Variants in FARS2 observed in about 807,000 individuals in gnomAD.
FARS2 encodes the protein phenylalanine--tRNA ligase, mitochondrial.
FARS2 carries 40 observed loss-of-function variants against 46.4 expected under a neutral mutation model. That is an observed-to-expected ratio of 0.86 (90% confidence interval 0.67 to 1.12). FARS2 has a LOEUF of 1.12. Ranked by LOEUF, FARS2 falls within the 50% of genes most tolerant of loss-of-function variation. FARS2 has a pLI of 0.00. For synonymous variants in FARS2, 234 were observed against 214.9 expected (o/e 1.09, Z -0.78); for missense variants, 513 against 567.9 (o/e 0.90, Z 0.98).
At chr6:5,257,504 T>C (rs1402703702), upstream of FARS2, among the ~76,000 whole-genome samples, 4 of 152,192 alleles carry the variant, frequency 2.6e-5, no homozygotes, top group East Asian at 7.7e-4. Flanking sequence ...CATCTTTCTC[T>C]CTCCAGGGCT....
At chr6:5,613,695 G>T (rs6940533) in intron 6 of FARS2, among the ~76,000 whole-genome samples, 1 of 152,132 alleles carries the variant, frequency 6.6e-6, no homozygotes, top group Non-Finnish European at 1.5e-5. Context: ...GCAAATATTT[G>T]TTAAGCACTT....
chr6:5,517,783 A>C (rs1561679568), intron 4 of FARS2, among the ~76,000 whole-genome samples: 1 of 152,194 alleles, frequency 6.6e-6, no homozygotes, highest in Non-Finnish European at 1.5e-5. Flanking sequence ...ATATATTAAT[A>C]AAATCAACTT....
chr6:5,503,373 A>AAC (rs72295741), intron 4 of FARS2, among the ~76,000 whole-genome samples: 21,764 of 135,930 alleles, frequency 0.16, 2,334 homozygotes, highest in East Asian at 0.47. Flanking sequence ...AGGTATTCTT[A>AAC]ACACACACAC....
At chr6:5,510,112 G>C (rs1303370992) in intron 4 of FARS2, among the ~76,000 whole-genome samples, 1 of 151,952 alleles carries the variant, frequency 6.6e-6, no homozygotes, top group African/African-American at 2.4e-5. Flanking sequence ...GGTTTGGAGG[G>C]GTTTTTTGTT....
chr6:5,257,930 T>C (rs529148823), upstream of FARS2, among the ~76,000 whole-genome samples: 10 of 152,234 alleles, frequency 6.6e-5, no homozygotes, highest in South Asian at 2.1e-3. Flanking sequence ...TGAGACCTGT[T>C]TGGCTGGTGG....
chr6:5,653,433 C>G (rs112849586), intron 6 of FARS2, among the ~76,000 whole-genome samples: 1 of 152,204 alleles, frequency 6.6e-6, no homozygotes. Context: ...TTATTGTGCA[C>G]CTACTACATG....
At chr6:5,278,612 A>G (rs1450616182) in intron 1 of FARS2, among the ~76,000 whole-genome samples, 4 of 152,234 alleles carry the variant, frequency 2.6e-5, no homozygotes, top group Non-Finnish European at 5.9e-5. Context: ...TATTCTCCAT[A>G]ACTATTCAAC....
intron 4 of FARS2, among the ~76,000 whole-genome samples, chr6:5,531,415 C>T (rs11758527): frequency 0.014 from 2,191 of 152,264 alleles, 21 homozygotes; most frequent in Admixed American, 0.023. Context: ...TTATTAAACT[C>T]CAGAGAACCA....
intron 6 of FARS2, among the ~76,000 whole-genome samples, chr6:5,634,309 AT>A (rs1776436458): frequency 6.6e-6 from 1 of 152,024 alleles, no homozygotes; most frequent in African/African-American, 2.4e-5. Context: ...CAATTTTTTT[AT>A]TTTTATTTTT....
chr6:5,293,650 G>A (rs1160328488), intron 1 of FARS2, among the ~76,000 whole-genome samples: 1 of 152,144 alleles, frequency 6.6e-6, no homozygotes, highest in Non-Finnish European at 1.5e-5. Context: ...AAAGAGTCTT[G>A]TTAGAAAACA....
At chr6:5,613,381 A>G in intron 6 of FARS2, 61 bp downstream of exon 6, 1 of 1,491,390 alleles carries the variant, frequency 6.7e-7, no homozygotes, top group East Asian at 2.3e-5. Context: ...TGTCATGTGG[A>G]AGCATATCAT....
At chr6:5,504,226 T>C (rs1401309355) in intron 4 of FARS2, among the ~76,000 whole-genome samples, 2 of 152,166 alleles carry the variant, frequency 1.3e-5, no homozygotes, top group African/African-American at 4.8e-5. Flanking sequence ...CTGGATAAAT[T>C]TTTATTCTAT....
At chr6:5,716,975 T>C in intron 6 of FARS2, among the ~76,000 whole-genome samples, 1 of 152,194 alleles carries the variant, frequency 6.6e-6, no homozygotes, top group African/African-American at 2.4e-5. Flanking sequence ...CAGGTAGATA[T>C]GTGATTGGAC....
chr6:5,433,914 T>A (rs1435430317), intron 4 of FARS2, among the ~76,000 whole-genome samples: 1 of 152,186 alleles, frequency 6.6e-6, no homozygotes, highest in African/African-American at 2.4e-5. Flanking sequence ...AATATTGTTA[T>A]CTGAAACAGA....
At position 5,364,503 on chromosome 6, in the gene FARS2, C is replaced by T. The variant is rs115622650; in HGVS notation, c.-21-4047C>T. Among the ~76,000 whole-genome samples the T allele has an allele frequency of 4.7e-3, 722 of 152,210 alleles. 8 individuals are homozygous for T. The highest frequency in any genetic ancestry group is 0.016 in the African/African-American group (685 of 41,516). ...TGCTCCTTTTTTGTGACTTTATAAT[C>T]TACATATATTTGTGACTAGGAAGAT... On this transcript the variant is annotated intron_variant, in intron 1 of 6. Transcript: ENST00000274680.
At chr6:5,347,597 G>A (rs1295860819) in intron 1 of FARS2, among the ~76,000 whole-genome samples, 1 of 152,084 alleles carries the variant, frequency 6.6e-6, no homozygotes, top group Non-Finnish European at 1.5e-5. Flanking sequence ...CCATTTTGGG[G>A]CTGCTATGAA....
At chr6:5,533,159 C>T (rs1244222434) in intron 4 of FARS2, among the ~76,000 whole-genome samples, 1 of 151,990 alleles carries the variant, frequency 6.6e-6, no homozygotes, top group East Asian at 1.9e-4. Context: ...CTGCTGGTGC[C>T]CTGTATACAG....
intron 6 of FARS2, among the ~76,000 whole-genome samples, chr6:5,651,105 G>T (rs749437086): frequency 6.6e-6 from 1 of 152,202 alleles, no homozygotes; most frequent in African/African-American, 2.4e-5. Context: ...AGTAATTAGA[G>T]ACTAAGTGAC....
At chr6:5,667,406 T>A (rs1357444841) in intron 6 of FARS2, among the ~76,000 whole-genome samples, 1 of 151,618 alleles carries the variant, frequency 6.6e-6, no homozygotes, top group Non-Finnish European at 1.5e-5. Context: ...AAGTCCCAGC[T>A]GCTCAGGAGG....
Sources: gnomAD v4.1 joint callset for allele counts (sites outside exome capture counted in the v4.1 genomes callset) on GRCh38, gnomAD v4.1.1 for gene constraint, MANE v1.5 for transcripts, NCBI Gene and HGNC (gene_info 2026-07-23, HGNC 2026-07-21) for gene names.